Variants in ZNF83 observed in about 807,000 individuals in gnomAD.
ZNF83 encodes the protein zinc finger protein 816B.
For synonymous variants in ZNF83, 209 were observed against 213.0 expected, an observed-to-expected ratio of 0.98 and a Z score of 0.17; for missense variants, 552 against 629.9, an observed-to-expected ratio of 0.88 and a Z score of 1.32.
intron 1 of ZNF83, among the ~76,000 whole-genome samples, chr19:52,686,917 C>T (rs1242735176): frequency 1.3e-5 from 2 of 151,952 alleles, no homozygotes; most frequent in Non-Finnish European, 2.9e-5. Flanking sequence ...TGCAGTGGCT[C>T]ACATCTGTAA....
intron 1 of ZNF83, among the ~76,000 whole-genome samples, chr19:52,676,404 C>G (rs1474829642): frequency 6.6e-6 from 1 of 152,170 alleles, no homozygotes; most frequent in Admixed American, 6.5e-5. Flanking sequence ...GGCCGCCACC[C>G]CGTCTGGGAA....
At chr19:52,687,920 A>C (rs1273580916) in intron 1 of ZNF83, among the ~76,000 whole-genome samples, 1 of 151,772 alleles carries the variant, frequency 6.6e-6, no homozygotes, top group Admixed American at 6.6e-5. Flanking sequence ...CCCTGGGAAA[A>C]GGGAAGAGAG....
chr19:52,677,530 C>T (rs1379126329), intron 1 of ZNF83, among the ~76,000 whole-genome samples: 1 of 151,670 alleles, frequency 6.6e-6, no homozygotes, highest in Non-Finnish European at 1.5e-5. Context: ...AGCAGTATGG[C>T]GGTCTGAGGT....
intron 2 of ZNF83, among the ~76,000 whole-genome samples, chr19:52,620,821 T>A (rs952308062): frequency 4.6e-5 from 7 of 152,212 alleles, no homozygotes; most frequent in African/African-American, 1.7e-4. Flanking sequence ...GACTTGTTTC[T>A]GCCCTGCCCC....
intron 3 of ZNF83, among the ~76,000 whole-genome samples, chr19:52,647,995 G>T (rs1201066831): frequency 6.7e-6 from 1 of 150,098 alleles, no homozygotes; most frequent in African/African-American, 2.4e-5. Flanking sequence ...GCACCACTCT[G>T]CTCTGTCTGT....
chr19:52,680,576 G>T (rs1219791349), intron 1 of ZNF83, among the ~76,000 whole-genome samples: 1 of 146,668 alleles, frequency 6.8e-6, no homozygotes, highest in Admixed American at 6.8e-5. Context: ...TTTCTCCACA[G>T]TTGTGTTTTA....
chr19:52,642,104 C>A (rs1242589448), upstream of ZNF83, among the ~76,000 whole-genome samples: 1 of 152,018 alleles, frequency 6.6e-6, no homozygotes, highest in African/African-American at 2.4e-5. Flanking sequence ...GCAGGGGAAG[C>A]AGTCAGATAG....
intron 1 of ZNF83, among the ~76,000 whole-genome samples, chr19:52,680,699 G>A (rs946043426): frequency 2.4e-4 from 31 of 127,966 alleles, no homozygotes; most frequent in Middle Eastern, 4.2e-3. Context: ...TGCAAGCTCC[G>A]CCTCCCGGGT....
At chr19:52,635,545 C>A (rs961812573) in intron 1 of ZNF83, 1 of 154,462 alleles carries the variant, frequency 6.5e-6, no homozygotes, top group Admixed American at 6.5e-5. Flanking sequence ...CATGGTGAAA[C>A]CCCATCTTTG....
intron 2 of ZNF83, among the ~76,000 whole-genome samples, chr19:52,656,974 G>A (rs1253784354): frequency 6.6e-6 from 1 of 151,704 alleles, no homozygotes; most frequent in Non-Finnish European, 1.5e-5. Flanking sequence ...GACATTATAA[G>A]CAAAGACCTA....
At chr19:52,664,764 G>A (rs1419291015) in intron 1 of ZNF83, among the ~76,000 whole-genome samples, 1 of 149,416 alleles carries the variant, frequency 6.7e-6, no homozygotes, top group African/African-American at 2.5e-5. Flanking sequence ...GGGGGGGTGA[G>A]GGGGGAAGAG....
At chr19:52,652,358 C>A (rs2061452846) in intron 3 of ZNF83, 2 of 311,692 alleles carry the variant, frequency 6.4e-6, no homozygotes, top group Non-Finnish European at 1.2e-5. Flanking sequence ...TCGTATGAAC[C>A]TGGGAGGTGG....
chr19:52,641,729 A>T (rs1284528747), upstream of ZNF83, among the ~76,000 whole-genome samples: 1 of 152,102 alleles, frequency 6.6e-6, no homozygotes, highest in Non-Finnish European at 1.5e-5. Context: ...AACCAAAAGT[A>T]TCTAACAGGT....
chr19:52,674,661 T>C (rs2061774016), intron 1 of ZNF83, among the ~76,000 whole-genome samples: 2 of 151,960 alleles, frequency 1.3e-5, no homozygotes, highest in South Asian at 4.1e-4. Context: ...AGAAAACACT[T>C]CCATTTTCTA....
At chr19:52,689,111 T>C (rs1274164651) in intron 1 of ZNF83, among the ~76,000 whole-genome samples, 3 of 152,198 alleles carry the variant, frequency 2.0e-5, no homozygotes, top group South Asian at 4.1e-4. Context: ...TCACAAGATA[T>C]GTTATGCTAT....
rs2061862372 is a variant in ZNF83, at chr19:52,678,885, G to A, written c.-283+11558C>T. ...AGCTACTCAGGAGGCTGAGGCAGGA[G>A]AATCACTTGAACCCAGGAGGCCAAG... is the stretch of plus-strand genomic sequence containing the variant. On this transcript the variant is annotated intron_variant, in intron 1 of 5. Transcript: ENST00000594682. Among the ~76,000 whole-genome samples, 3 of 151,252 alleles carry A rather than the reference G, an allele frequency of 2.0e-5. No individual in the cohort carries two copies. The South Asian group carries it at 6.2e-4, about 31-fold the overall frequency.
intron 1 of ZNF83, among the ~76,000 whole-genome samples, chr19:52,673,142 G>A (rs373342378): frequency 4.3e-4 from 65 of 152,290 alleles, no homozygotes; most frequent in African/African-American, 1.5e-3. Flanking sequence ...CCAGGGAGCA[G>A]AGGTTGCAGT....
Position 52,613,041 on chromosome 19 carries a change from G to A in ZNF83, c.1524C>T (p.Ala508=), listed in dbSNP as rs567038780. ...AATTACATGTGTTAGATTTCTTTCCGGCATGAAATCTCTGATGACGTACAA... is the reference window on the plus strand; with the variant it reads ...AATTACATGTGTTAGATTTCTTTCCAGCATGAAATCTCTGATGACGTACAA... Residue 508 remains alanine, a synonymous_variant, in exon 3 of 3, where the codon GCC becomes GCT. Transcript: ENST00000301096. 27 of 1,602,966 alleles carry A rather than the reference G, an allele frequency of 1.7e-5. No homozygotes were observed. In the Admixed American group the frequency reaches 1.7e-4, roughly 10 times the overall value.
chr19:52,678,196 T>C (rs2061849844), intron 1 of ZNF83, among the ~76,000 whole-genome samples: 1 of 151,984 alleles, frequency 6.6e-6, no homozygotes. Flanking sequence ...CTCAAGCCTG[T>C]AATCCTAGCA....
Sources: allele counts gnomAD v4.1 joint callset (sites outside exome capture counted in the v4.1 genomes callset), GRCh38; gene constraint gnomAD v4.1.1; transcripts MANE v1.5; gene names NCBI Gene and HGNC (gene_info 2026-07-23, HGNC 2026-07-21).